The following RNF13 variants were observed in gnomAD, a reference collection of about 807,000 sequenced individuals.
RNF13 encodes the protein E3 ubiquitin-protein ligase RNF13.
A neutral mutation model predicts 37.7 loss-of-function variants in RNF13; 19 were observed. The ratio of observed to expected loss-of-function variants is 0.50; its 90% CI spans 0.35 to 0.74. The LOEUF (loss-of-function observed/expected upper bound fraction) is 0.74. RNF13 is among the 30% of genes least tolerant of loss of function. The pLI is 0.01. For synonymous variants in RNF13, 144 were observed against 157.8 expected, an observed-to-expected ratio of 0.91 and a Z score of 0.65; for missense variants, 375 against 453.0, an observed-to-expected ratio of 0.83 and a Z score of 1.56.
intron 1 of RNF13, among the ~76,000 whole-genome samples, chr3:149,835,634 T>TGTGTGG (rs1553751499): frequency 1.5e-3 from 19 of 12,808 alleles, no homozygotes; most frequent in African/African-American, 2.7e-3. Flanking sequence ...AGTATTCCAT[T>TGTGTGG]GTGTGTGTGT....
intron 4 of RNF13, among the ~76,000 whole-genome samples, chr3:149,877,176 T>C (rs1576806876): frequency 6.6e-6 from 1 of 152,312 alleles, no homozygotes; most frequent in East Asian, 1.9e-4. Flanking sequence ...TAGTGCCTAA[T>C]GCATTATATG....
intron 1 of RNF13, among the ~76,000 whole-genome samples, chr3:149,828,151 TAGTC>T (rs554824577): frequency 2.0e-5 from 3 of 152,206 alleles, no homozygotes; most frequent in Non-Finnish European, 4.4e-5. Flanking sequence ...CTGGTTCATT[TAGTC>T]AGTCAGTTAG....
intron 6 of RNF13, among the ~76,000 whole-genome samples, chr3:149,908,167 G>C (rs1475996645): frequency 6.6e-6 from 1 of 152,130 alleles, no homozygotes; most frequent in African/African-American, 2.4e-5. Flanking sequence ...GAAGCATTTT[G>C]TAACTTTTAT....
intron 3 of RNF13, among the ~76,000 whole-genome samples, chr3:149,855,896 C>T: frequency 6.6e-6 from 1 of 152,134 alleles, no homozygotes; most frequent in Admixed American, 6.5e-5. Context: ...TTGCATTTCT[C>T]TGATTACTAA....
chr3:149,952,703 G>T (rs916025383), intron 8 of RNF13, among the ~76,000 whole-genome samples: 1 of 152,008 alleles, frequency 6.6e-6, no homozygotes, highest in East Asian at 1.9e-4. Flanking sequence ...GGGTTCAAGC[G>T]ATTCTCCTGC....
chr3:149,828,166 ACT>A (rs1326977560), intron 1 of RNF13, among the ~76,000 whole-genome samples: 1 of 152,122 alleles, frequency 6.6e-6, no homozygotes, highest in African/African-American at 2.4e-5. Context: ...AGTCAGTTAG[ACT>A]CTAGCACTTA....
chr3:149,913,866 C>G (rs184741660), intron 7 of RNF13, among the ~76,000 whole-genome samples: 7 of 152,186 alleles, frequency 4.6e-5, no homozygotes, highest in African/African-American at 1.7e-4. Flanking sequence ...AATTTCTCCA[C>G]TTATAAAGTT....
intron 1 of RNF13, among the ~76,000 whole-genome samples, chr3:149,840,279 C>G (rs182629869): frequency 4.3e-4 from 65 of 152,264 alleles, no homozygotes; most frequent in Middle Eastern, 3.4e-3. Flanking sequence ...GTGTACACAT[C>G]TCTAGAAGCC....
rs1216875814 is a variant in RNF13, at chr3:149,961,423, T to C, written c.*319T>C. 2.1e-6 allele frequency: 1 copy of C among 485,326 alleles called. No homozygotes were observed. The highest frequency in any genetic ancestry group is 4.0e-6 in the Non-Finnish European group (1 of 252,552). 30.1% of individuals were successfully genotyped at this position (485,326 alleles called of 1,614,324 possible). A position where few individuals can be genotyped will look rare whatever the true frequency, so the allele number is the denominator to read the frequency against. ...GACCTAGATCACAGTATTTAAGTGTTTTGCGTTTTATACATGAGGTCAGTG... is the reference window on the plus strand; with the variant it reads ...GACCTAGATCACAGTATTTAAGTGTCTTGCGTTTTATACATGAGGTCAGTG... On this transcript the variant is annotated 3_prime_UTR_variant, in exon 10 of 10. Coordinates refer to ENST00000392894, the MANE Select transcript of RNF13 (RefSeq NM_183381.3).
chr3:149,958,422 C>T (rs1559978560), intron 8 of RNF13, among the ~76,000 whole-genome samples: 1 of 152,154 alleles, frequency 6.6e-6, no homozygotes, highest in African/African-American at 2.4e-5. Flanking sequence ...GTAGCCACAT[C>T]GCCCCGACTC....
At chr3:149,820,216 CTTTT>C in intron 1 of RNF13, among the ~76,000 whole-genome samples, 1 of 147,222 alleles carries the variant, frequency 6.8e-6, no homozygotes, top group South Asian at 2.2e-4. Flanking sequence ...TTCTTTCTTT[CTTTT>C]TTTTTTGTTT....
chr3:149,840,721 T>C (rs901455735), intron 1 of RNF13, among the ~76,000 whole-genome samples: 3 of 152,060 alleles, frequency 2.0e-5, no homozygotes, highest in African/African-American at 7.3e-5. Context: ...GGGGTTCTGA[T>C]TGGTATCCAC....
chr3:149,931,176 A>G (rs1308892230), intron 8 of RNF13, among the ~76,000 whole-genome samples: 1 of 151,000 alleles, frequency 6.6e-6, no homozygotes, highest in Non-Finnish European at 1.5e-5. Flanking sequence ...CAACCCTTCC[A>G]CCTCAGCCTT....
intron 1 of RNF13, among the ~76,000 whole-genome samples, chr3:149,820,304 A>G (rs1320745823): frequency 6.6e-6 from 1 of 151,684 alleles, no homozygotes; most frequent in Non-Finnish European, 1.5e-5. Flanking sequence ...CTCCCTCCTC[A>G]GCTTCCCAAA....
intron 1 of RNF13, among the ~76,000 whole-genome samples, chr3:149,816,083 A>C (rs1269588127): frequency 8.1e-6 from 1 of 123,778 alleles, no homozygotes; most frequent in Non-Finnish European, 1.8e-5. Context: ...TTTTTTTTGT[A>C]GAGACAAGGT....
At chr3:149,855,263 G>T (rs1723532163) in intron 3 of RNF13, among the ~76,000 whole-genome samples, 1 of 152,148 alleles carries the variant, frequency 6.6e-6, no homozygotes, top group African/African-American at 2.4e-5. Context: ...AGGTTGCAGT[G>T]AGCCGCGATC....
intron 4 of RNF13, among the ~76,000 whole-genome samples, chr3:149,881,010 C>T (rs984091671): frequency 6.6e-6 from 1 of 152,164 alleles, no homozygotes; most frequent in Non-Finnish European, 1.5e-5. Context: ...ACCTACACTA[C>T]CTATACGATA....
At chr3:149,889,292 C>CGTGCGTGTGT (rs1553761925) in intron 4 of RNF13, among the ~76,000 whole-genome samples, 4 of 138,122 alleles carry the variant, frequency 2.9e-5, no homozygotes, top group Non-Finnish European at 6.1e-5. Context: ...TTTGAGTGTG[C>CGTGCGTGTGT]GTGTGTGTGT....
chr3:149,960,884 C>A lies in RNF13; in HGVS notation c.926C>A (p.Thr309Asn). The A allele has an allele frequency of 6.2e-7, 1 of 1,614,176 alleles. No homozygotes were observed. The highest frequency in any genetic ancestry group is 8.5e-7 in the Non-Finnish European group (1 of 1,180,028). The change falls in exon 10 of 10, where the codon ACC becomes AAC. Residue 309 changes from threonine (T) to asparagine (N), a missense_variant. Thr to Asn is a moderately conservative substitution (Grantham distance 65). Transcript: ENST00000392894. ...SQEENEVTEH[T>N]PLLRPLASVS... is the part of the protein sequence containing the mutation. ...GAAGAAAATGAAGTGACAGAACATA[C>A]CCCTTTACTGAGACCTTTAGCTTCT...
Sources: gnomAD v4.1 joint callset for allele counts (sites outside exome capture counted in the v4.1 genomes callset) on GRCh38, gnomAD v4.1.1 for gene constraint, MANE v1.5 for transcripts, NCBI Gene and HGNC (gene_info 2026-07-23, HGNC 2026-07-21) for gene names.